Variants in DLG1 observed in about 807,000 individuals in gnomAD.
DLG1 encodes the protein disks large homolog 1.
DLG1 carries 42 observed loss-of-function variants against 123.4 expected under a neutral mutation model. The ratio of observed to expected loss-of-function variants is 0.34; its 90% CI spans 0.27 to 0.44. The LOEUF is 0.44. Among genes scored for constraint, DLG1 ranks in the 20% least tolerant of loss-of-function variants. The pLI is 1.00. For synonymous variants in DLG1, 317 were observed against 356.2 expected (o/e 0.89, Z 1.24); for missense variants, 942 against 1,082.6 (o/e 0.87, Z 1.82).
At chr3:197,225,716 C>T (rs1236317779) in intron 4 of DLG1, 1 of 152,604 alleles carries the variant, frequency 6.6e-6, no homozygotes, top group Non-Finnish European at 1.5e-5. Context: ...CAATTCTTTA[C>T]TCATGTCAGA....
intron 4 of DLG1, among the ~76,000 whole-genome samples, chr3:197,208,558 G>T (rs952824477): frequency 1.4e-5 from 2 of 146,142 alleles, no homozygotes; most frequent in Non-Finnish European, 3.1e-5. Context: ...ATTCAAATAA[G>T]AGAATATCAC....
intron 11 of DLG1, among the ~76,000 whole-genome samples, chr3:197,126,307 T>C (rs1779066296): frequency 6.6e-6 from 1 of 151,918 alleles, no homozygotes; most frequent in Admixed American, 6.6e-5. Flanking sequence ...AGAAACCCCG[T>C]CTCTACTAAA....
At chr3:197,157,726 A>C (rs958649979) in intron 5 of DLG1, among the ~76,000 whole-genome samples, 1 of 152,208 alleles carries the variant, frequency 6.6e-6, no homozygotes, top group African/African-American at 2.4e-5. Flanking sequence ...CGGTACCCTG[A>C]AAGCCAAAAT....
chr3:197,237,644 A>G (rs150492884), intron 4 of DLG1, among the ~76,000 whole-genome samples: 5 of 152,338 alleles, frequency 3.3e-5, no homozygotes, highest in African/African-American at 1.2e-4. Flanking sequence ...GAGAAGGCCA[A>G]TTAAGGAGCT....
chr3:197,132,072 C>G (rs915437733), intron 10 of DLG1, among the ~76,000 whole-genome samples: 9 of 152,046 alleles, frequency 5.9e-5, no homozygotes, highest in Non-Finnish European at 1.3e-4. Flanking sequence ...CTTGTTTTCC[C>G]TCTTTCATGC....
At chr3:197,072,503 T>C (rs59171696) in intron 18 of DLG1, among the ~76,000 whole-genome samples, 38,161 of 151,970 alleles carry the variant, frequency 0.25, 5,792 homozygotes, top group East Asian at 0.72. Flanking sequence ...CTAGGGAAAT[T>C]AAACATTTTT....
At chr3:197,135,113 A>G (rs1045283697) in intron 10 of DLG1, among the ~76,000 whole-genome samples, 1 of 151,976 alleles carries the variant, frequency 6.6e-6, no homozygotes, top group African/African-American at 2.4e-5. Flanking sequence ...TCTCTGCTTC[A>G]CTCCTCATTT....
At chr3:197,142,098 T>A (rs74729820) in intron 7 of DLG1, among the ~76,000 whole-genome samples, 3,643 of 152,344 alleles carry the variant, frequency 0.024, 206 homozygotes, top group Admixed American at 0.12. Flanking sequence ...TAGTTTTTAA[T>A]ACAGCTCTGT....
chr3:197,140,157 G>C lies in DLG1; in HGVS notation c.696C>G (p.Ala232=). Residue 232 remains alanine, a synonymous_variant, in exon 8 of 25, where the codon GCC becomes GCG. Coordinates refer to ENST00000667157, the MANE Select transcript of DLG1 (RefSeq NM_001366207.1). ...ITKIITGGAA[A]QDGRLRVNDC... Reference sequence around the variant, plus strand: ...AAACATACCGCAATCTTCCATCTTGGGCGGCTGCTCCCCCTGTGATAATTT... The same window carrying C: ...AAACATACCGCAATCTTCCATCTTGCGCGGCTGCTCCCCCTGTGATAATTT... 6.2e-7 allele frequency: 1 copy of C among 1,613,170 alleles called. No homozygotes were observed.
chr3:197,124,723 C>T (rs771320537), intron 11 of DLG1, among the ~76,000 whole-genome samples: 12 of 151,994 alleles, frequency 7.9e-5, no homozygotes, highest in Admixed American at 2.6e-4. Flanking sequence ...ACCACAGGCA[C>T]GCACCATTGT....
chr3:197,082,265 G>T (rs1296972052), intron 16 of DLG1, among the ~76,000 whole-genome samples: 3 of 152,108 alleles, frequency 2.0e-5, no homozygotes, highest in East Asian at 3.8e-4. Flanking sequence ...AGCTACTTGG[G>T]AGGCTGAGGC....
At chr3:197,260,296 C>T (rs1481528761) in intron 4 of DLG1, 1 of 439,330 alleles carries the variant, frequency 2.3e-6, no homozygotes, top group Non-Finnish European at 4.5e-6. Flanking sequence ...CATTACTCTA[C>T]CATTACAATA....
intron 4 of DLG1, among the ~76,000 whole-genome samples, chr3:197,198,234 A>G (rs1353703624): frequency 3.9e-5 from 6 of 152,206 alleles, no homozygotes; most frequent in South Asian, 2.1e-4. Flanking sequence ...TCACGCCTGT[A>G]ATCCCAGCCT....
At chr3:197,240,298 G>C (rs560514974) in intron 4 of DLG1, among the ~76,000 whole-genome samples, 1 of 152,300 alleles carries the variant, frequency 6.6e-6, no homozygotes, top group Admixed American at 6.5e-5. Flanking sequence ...ATCCCCTTTG[G>C]AATCTCCCTC....
intron 10 of DLG1, among the ~76,000 whole-genome samples, chr3:197,135,380 G>A (rs1363531622): frequency 6.6e-6 from 1 of 152,184 alleles, no homozygotes; most frequent in African/African-American, 2.4e-5. Context: ...CTCATGAGAT[G>A]TGATTGTTTT....
At chr3:197,163,449 G>T (rs561095135) in intron 5 of DLG1, among the ~76,000 whole-genome samples, 1 of 152,176 alleles carries the variant, frequency 6.6e-6, no homozygotes, top group African/African-American at 2.4e-5. Flanking sequence ...ACAGTCAAAA[G>T]GCGGAAAGAA....
At chr3:197,147,664 C>T (rs1791604382) in intron 6 of DLG1, among the ~76,000 whole-genome samples, 1 of 151,932 alleles carries the variant, frequency 6.6e-6, no homozygotes, top group South Asian at 2.1e-4. Flanking sequence ...CATTTGGGGA[C>T]TCGGGAAAGC....
intron 14 of DLG1, among the ~76,000 whole-genome samples, chr3:197,104,103 A>G (rs1765012860): frequency 6.6e-6 from 1 of 152,164 alleles, no homozygotes; most frequent in South Asian, 2.1e-4. Flanking sequence ...TTTATTTTAA[A>G]TAGCGGCAGT....
chr3:197,297,847 C>T (rs959300471), intron 1 of DLG1: 1 of 985,340 alleles, frequency 1.0e-6, no homozygotes, highest in Non-Finnish European at 1.2e-6. Flanking sequence ...GCGCCCCGGC[C>T]AGACTCGGAG....
Sources: allele counts gnomAD v4.1 joint callset (sites outside exome capture counted in the v4.1 genomes callset), GRCh38; gene constraint gnomAD v4.1.1; transcripts MANE v1.5; gene names NCBI Gene and HGNC (gene_info 2026-07-23, HGNC 2026-07-21).